PPP3R1: variants seen among roughly 807,000 people sequenced by gnomAD.
PPP3R1 encodes protein phosphatase 3 regulatory subunit B, alpha, also known as calcineurin subunit B type 1.
A neutral mutation model predicts 22.6 loss-of-function variants in PPP3R1; 5 were observed. The ratio of observed to expected loss-of-function variants is 0.22; its 90% CI spans 0.12 to 0.46. The LOEUF (loss-of-function observed/expected upper bound fraction) is 0.46. PPP3R1 is among the 20% of genes least tolerant of loss of function. The pLI is 0.99. For synonymous variants in PPP3R1, 56 were observed against 65.2 expected (o/e 0.86, Z 0.68); for missense variants, 61 against 203.2 (o/e 0.30, Z 4.25).
chr2:68,210,281 G>T (rs928307115), intron 2 of PPP3R1, among the ~76,000 whole-genome samples: 2 of 152,078 alleles, frequency 1.3e-5, no homozygotes, highest in Non-Finnish European at 2.9e-5. Context: ...TAAGCTCCCT[G>T]GGTCATCTTA....
chr2:68,229,981 C>CACAA (rs1469390041), intron 1 of PPP3R1, among the ~76,000 whole-genome samples: 1 of 40,118 alleles, frequency 2.5e-5, no homozygotes, highest in Non-Finnish European at 4.1e-5. Flanking sequence ...CATACACACA[C>CACAA]ACACACACAC....
At chr2:68,247,818 A>G (rs1670264299) in intron 1 of PPP3R1, among the ~76,000 whole-genome samples, 1 of 152,202 alleles carries the variant, frequency 6.6e-6, no homozygotes, top group Non-Finnish European at 1.5e-5. Context: ...TATCTCCTGT[A>G]GGATCCCTAC....
At chr2:68,196,047 T>A (rs1372206366) in intron 2 of PPP3R1, among the ~76,000 whole-genome samples, 1 of 152,154 alleles carries the variant, frequency 6.6e-6, no homozygotes, top group African/African-American at 2.4e-5. Flanking sequence ...TAGAAACTAC[T>A]ACTCCAATAC....
intron 1 of PPP3R1, among the ~76,000 whole-genome samples, chr2:68,227,577 A>AG (rs1445972813): frequency 1.4e-5 from 2 of 147,640 alleles, no homozygotes; most frequent in South Asian, 2.1e-4. Context: ...TGATTTTAGG[A>AG]GGGAAAAAAA....
At chr2:68,197,195 T>C (rs186713163) in intron 2 of PPP3R1, among the ~76,000 whole-genome samples, 1 of 152,286 alleles carries the variant, frequency 6.6e-6, no homozygotes, top group African/African-American at 2.4e-5. Flanking sequence ...TTGAGCCCTT[T>C]TGCAGTCAAT....
intron 1 of PPP3R1, among the ~76,000 whole-genome samples, chr2:68,225,154 A>T (rs1467256273): frequency 6.6e-6 from 1 of 152,216 alleles, no homozygotes. Flanking sequence ...CCCAATTACT[A>T]AATCAAACAC....
At chr2:68,229,900 G>A (rs551888613) in intron 1 of PPP3R1, among the ~76,000 whole-genome samples, 9 of 150,590 alleles carry the variant, frequency 6.0e-5, no homozygotes, top group Admixed American at 5.3e-4. Flanking sequence ...ATATATATAC[G>A]GGTGTGTGTG....
chr2:68,217,081 A>G lies in PPP3R1; in HGVS notation c.43+11T>C. 1 of 1,576,276 alleles carries G rather than the reference A, an allele frequency of 6.3e-7. No homozygotes were observed. The highest frequency in any genetic ancestry group is 8.7e-7 in the Non-Finnish European group (1 of 1,152,704). On this transcript the variant is annotated intron_variant, in intron 2 of 5. Transcript: ENST00000234310. ...ATAAAAGTAACTTTTGGTAACAAGA[A>G]TATGACTTACAGTGTGAGCACATTT... is the stretch of plus-strand genomic sequence containing the variant.
chr2:68,180,741 C>T lies in PPP3R1; in HGVS notation c.*222G>A. The T allele has an allele frequency of 2.1e-6, 1 of 482,324 alleles. No homozygotes were observed. Among genetic ancestry groups the T allele is most frequent in the Non-Finnish European group, 3.7e-6 (1 of 271,668 alleles). The allele number at this position is 482,324 out of a possible 1,614,324, so 29.9% of individuals were successfully genotyped here. Reference sequence around the variant, plus strand: ...CTCCACCACATTGATATGCTCTTTTCATGTTGCTGTCCTTCAGACTTTAAA... The same window carrying T: ...CTCCACCACATTGATATGCTCTTTTTATGTTGCTGTCCTTCAGACTTTAAA... On this transcript the variant is annotated 3_prime_UTR_variant, in exon 6 of 6. Transcript: ENST00000234310.
rs552961676 is a variant in PPP3R1, at chr2:68,211,003, ATTTT to A, written c.43+6085_43+6088del. Among the ~76,000 whole-genome samples, 411 of 152,280 alleles carry A rather than the reference ATTTT, an allele frequency of 2.7e-3. 2 individuals carry two copies. The highest frequency in any genetic ancestry group is 6.2e-3 in the African/African-American group (257 of 41,556). On this transcript the variant is annotated intron_variant, in intron 2 of 5. Coordinates refer to ENST00000234310, the MANE Select transcript of PPP3R1 (RefSeq NM_000945.4). ...AAAGTGAATAAAGCGAACTACATGA[ATTTT>A]TTTGTTTTCCAGTGCATATAAAAGT...
chr2:68,198,049 A>T (rs1308296730), intron 2 of PPP3R1, among the ~76,000 whole-genome samples: 1 of 117,316 alleles, frequency 8.5e-6, no homozygotes, highest in African/African-American at 3.3e-5. Context: ...TCCCTTTACA[A>T]CGGCACCTTT....
intron 1 of PPP3R1, among the ~76,000 whole-genome samples, chr2:68,239,130 T>A (rs938300794): frequency 2.6e-5 from 4 of 152,172 alleles, no homozygotes; most frequent in African/African-American, 9.7e-5. Context: ...GTGCAATAAA[T>A]TGTTCCAACA....
At chr2:68,227,285 A>C (rs1019774693) in intron 1 of PPP3R1, among the ~76,000 whole-genome samples, 14 of 152,088 alleles carry the variant, frequency 9.2e-5, no homozygotes, top group Non-Finnish European at 1.8e-4. Flanking sequence ...ATGTTGAATA[A>C]CATGAACTTG....
At chr2:68,191,892 C>T (rs1351875402) in intron 2 of PPP3R1, among the ~76,000 whole-genome samples, 2 of 152,192 alleles carry the variant, frequency 1.3e-5, no homozygotes, top group African/African-American at 4.8e-5. Flanking sequence ...CACCCTTACT[C>T]TTGAAAGAGA....
rs1430761494 is a variant in PPP3R1, at chr2:68,180,510, A to C, written c.*453T>G. The C allele has an allele frequency of 6.5e-6, 1 of 152,832 alleles. No homozygotes were observed. The highest frequency in any genetic ancestry group is 2.1e-4 in the South Asian group (1 of 4,842). The allele number at this position is 152,832 out of a possible 1,614,324, so 9.5% of individuals were successfully genotyped here. On this transcript the variant is annotated 3_prime_UTR_variant, in exon 6 of 6. Coordinates refer to ENST00000234310, the MANE Select transcript of PPP3R1 (RefSeq NM_000945.4). ...ATCTATATATAAAACTGTGTGAAATAAAAGTAAGGATGTTTTATGTTCTGC... is the reference window on the plus strand; with the variant it reads ...ATCTATATATAAAACTGTGTGAAATCAAAGTAAGGATGTTTTATGTTCTGC...
chr2:68,252,113 C>T lies in PPP3R1; in HGVS notation c.3+12G>A, dbSNP rs1670376961. 7.0e-7 allele frequency: 1 copy of T among 1,435,816 alleles called. No homozygotes were observed. The highest frequency in any genetic ancestry group is 9.3e-7 in the Non-Finnish European group (1 of 1,074,030). The allele number at this position is 1,435,816 out of a possible 1,614,324, so 88.9% of individuals were successfully genotyped here. A position where few individuals can be genotyped will look rare whatever the true frequency, so the allele number is the denominator to read the frequency against. ...GGGGAGGGATGGTGCATCGAGGAAG[C>T]CAAGGTCTCACCATTTTGCTCGGCG... On this transcript the variant is annotated intron_variant, in intron 1 of 5. Coordinates refer to ENST00000234310, the MANE Select transcript of PPP3R1 (RefSeq NM_000945.4).
intron 1 of PPP3R1, among the ~76,000 whole-genome samples, chr2:68,229,965 T>TACACACGTACACAC (rs1669858245): frequency 2.0e-5 from 1 of 49,494 alleles, no homozygotes; most frequent in African/African-American, 1.1e-4. Context: ...TGTGTATATA[T>TACACACGTACACAC]ACACACATAC....
At position 68,180,515 on chromosome 2, in the gene PPP3R1, T is replaced by A. The variant is rs1422913195; in HGVS notation, c.*448A>T. The A allele has an allele frequency of 6.5e-6, 1 of 152,756 alleles. No homozygotes were observed. Among genetic ancestry groups the A allele is most frequent in the Non-Finnish European group, 1.5e-5 (1 of 68,146 alleles). The allele number at this position is 152,756 out of a possible 1,614,324, so 9.5% of individuals were successfully genotyped here. A position where few individuals can be genotyped will look rare whatever the true frequency, so the allele number is the denominator to read the frequency against. ...TATATAAAACTGTGTGAAATAAAAGTAAGGATGTTTTATGTTCTGCTTGGC... is the reference window on the plus strand; with the variant it reads ...TATATAAAACTGTGTGAAATAAAAGAAAGGATGTTTTATGTTCTGCTTGGC... On this transcript the variant is annotated 3_prime_UTR_variant, in exon 6 of 6. Transcript: ENST00000234310.
chr2:68,187,352 C>T, intron 3 of PPP3R1, 38 bp from the exon 4 acceptor site: 1 of 1,535,880 alleles, frequency 6.5e-7, no homozygotes, highest in East Asian at 2.3e-5. Flanking sequence ...ATCAGAACTT[C>T]CAATTTTTTA....
Sources: gnomAD v4.1 joint callset for allele counts (sites outside exome capture counted in the v4.1 genomes callset) on GRCh38, gnomAD v4.1.1 for gene constraint, MANE v1.5 for transcripts, NCBI Gene and HGNC (gene_info 2026-07-23, HGNC 2026-07-21) for gene names.